IDI1: variants seen among roughly 807,000 people sequenced by gnomAD.
IDI1 encodes isopentenyl-diphosphate delta isomerase 1.
IDI1 carries 23 observed loss-of-function variants against 32.9 expected under a neutral mutation model. The observed-to-expected ratio is 0.70, with a 90% confidence interval of 0.50 to 0.99. The LOEUF is 0.99. Among genes scored for constraint, IDI1 ranks in the 50% least tolerant of loss-of-function variants. IDI1 has a pLI of 0.00. For missense variants in IDI1, 326 were observed against 351.9 expected (o/e 0.93, Z 0.59); for synonymous variants, 133 against 128.2 (o/e 1.04, Z -0.25).
chr10:1,043,247 T>C (rs1832670837), intron 3 of IDI1, 54 bp downstream of exon 3: 7 of 1,095,258 alleles, frequency 6.4e-6, no homozygotes, highest in Admixed American at 1.9e-5. Flanking sequence ...TTCAGAATGA[T>C]AAAAAGTCAA....
chr10:1,049,162 GCCCCAC>G, upstream of IDI1: 1 of 1,200,386 alleles, frequency 8.3e-7, no homozygotes, highest in South Asian at 1.7e-5. Context: ...GGGTCAACAC[GCCCCAC>G]CCCCAGTTCC....
chr10:1,041,315 C>T lies in IDI1; in HGVS notation c.727G>A (p.Ala243Thr). 4.3e-6 allele frequency: 7 copies of T among 1,613,668 alleles called. No individual in the cohort carries two copies. The highest frequency in any genetic ancestry group is 5.9e-6 in the Non-Finnish European group (7 of 1,179,700). Residue 243 changes from alanine (A) to threonine (T), a missense_variant, in exon 5 of 5, where the codon GCA becomes ACA. Transcript: ENST00000381344. ...GTTATCTTAATTTCACCACTGGCTG[C>T]TTTTTTCAGAAGTTCTTTTAGTTCT... is the stretch of plus-strand genomic sequence containing the variant. ...KEELKELLKK[A>T]ASGEIKITPW...
chr10:1,048,537 T>G (rs527938603), intron 1 of IDI1: 1 of 1,293,950 alleles, frequency 7.7e-7, no homozygotes, highest in African/African-American at 1.5e-5. Context: ...CTTAGTCTCC[T>G]GCGACTCGGT....
upstream of IDI1, among the ~76,000 whole-genome samples, chr10:1,050,851 G>A (rs1405297507): frequency 2.0e-5 from 3 of 152,240 alleles, no homozygotes; most frequent in Non-Finnish European, 4.4e-5. Context: ...AGTGCCCCTG[G>A]CTGGGAGTCT....
chr10:1,042,696 GC>G lies in IDI1; in HGVS notation c.472del (p.Ala158ProfsTer4). 1 of 1,613,946 alleles carries G rather than the reference GC, an allele frequency of 6.2e-7. No homozygotes were observed. The highest frequency in any genetic ancestry group is 8.5e-7 in the Non-Finnish European group (1 of 1,179,860). ...CTGTGCTGCTCGCCTCACTCCAAGGGCGTCACTTTCCTCAAGCTCGGCTGGA... is the reference window on the plus strand; with the variant it reads ...CTGTGCTGCTCGCCTCACTCCAAGGGGTCACTTTCCTCAAGCTCGGCTGGA... ...SNPAELEESD[A>X]LGVRRAAQRR... On this transcript the variant is annotated frameshift_variant, in exon 4 of 5. Transcript: ENST00000381344. LOFTEE classifies it high-confidence loss of function.
rs748042759 is a variant in IDI1 at position 1,044,019 on chromosome 10, A to G, written c.293T>C (p.Leu98Pro). 1.9e-6 allele frequency: 3 copies of G among 1,611,908 alleles called. No homozygotes were observed. Among genetic ancestry groups the G allele is most frequent in the Admixed American group, 3.3e-5 (2 of 59,822 alleles). Residue 98 changes from leucine to proline, a missense_variant, in exon 2 of 5, where the codon CTG (leucine) becomes CCG (proline). Around this residue, in one of 2 missense-constraint regions of IDI1, gnomAD observed 205 missense variants for 273.5 expected, o/e 0.75. Transcript: ENST00000381344. ...AGCACCTTTCTCAATGTTCTCGTTCAGGTGACAATTCTTCTTGGTCTCAGC... is the reference window on the plus strand; with the variant it reads ...AGCACCTTTCTCAATGTTCTCGTTCGGGTGACAATTCTTCTTGGTCTCAGC... ...IGAETKKNCH[L>P]NENIEKGLLH...
rs1308898300 is a variant in IDI1 at position 1,040,585 on chromosome 10, T to G, written c.*602A>C. ...ACTTATCAAAAGCAGTGGCTGACTG[T>G]AAGTATCAACATGTTTCCAGAATGA... On this transcript the variant is annotated 3_prime_UTR_variant, in exon 5 of 5. Coordinates refer to ENST00000381344, the MANE Select transcript of IDI1 (RefSeq NM_004508.4). 1 of 152,304 alleles carries G rather than the reference T, an allele frequency of 6.6e-6. No individual in the cohort carries two copies. The highest frequency in any genetic ancestry group is 2.4e-5 in the African/African-American group (1 of 41,440). 9.4% of individuals were successfully genotyped at this position (152,304 alleles called of 1,614,324 possible).
In IDI1 at chr10:1,048,846, G is replaced by C. The variant is rs568369613; in HGVS notation, c.140+18C>G. ...GCCCTGCCCCTGTCTCCCGAACTCC[G>C]CCGCCCGTCCACAGTACCTGATCAG... On this transcript the variant is annotated intron_variant, in intron 1 of 4. Transcript: ENST00000381344. The C allele has an allele frequency of 1.7e-5, 27 of 1,601,366 alleles. No homozygotes were observed. In the South Asian group the frequency reaches 2.9e-4, roughly 17 times the overall value.
chr10:1,045,866 G>GGTGTGTGTGTGTGT (rs10598743), intron 1 of IDI1, among the ~76,000 whole-genome samples: 9 of 150,956 alleles, frequency 6.0e-5, no homozygotes, highest in Non-Finnish European at 1.2e-4. Flanking sequence ...ATAGGGTCTG[G>GGTGTGTGTGTGTGT]GTGTGTGTGT....
chr10:1,041,811 T>TC (rs1175381448), intron 4 of IDI1, among the ~76,000 whole-genome samples: 3 of 120,582 alleles, frequency 2.5e-5, no homozygotes, highest in Non-Finnish European at 5.3e-5. Flanking sequence ...TTTTTCTTCT[T>TC]TTTTTTTTTT....
the IDI1 span, among the ~76,000 whole-genome samples, chr10:1,055,234 TTTAGAA>T: frequency 1.3e-5 from 2 of 152,234 alleles, no homozygotes; most frequent in African/African-American, 4.8e-5. Flanking sequence ...TAAAATTCAA[TTTAGAA>T]TAACTTTTAC....
chr10:1,042,394 T>C (rs1832628483), intron 4 of IDI1, among the ~76,000 whole-genome samples: 2 of 152,170 alleles, frequency 1.3e-5, no homozygotes, highest in African/African-American at 2.4e-5. Context: ...TATAGAAATA[T>C]TCAACCTTAT....
chr10:1,051,476 C>A (rs575600591), upstream of IDI1, among the ~76,000 whole-genome samples: 5 of 152,308 alleles, frequency 3.3e-5, no homozygotes, highest in African/African-American at 1.2e-4. Context: ...TCTGTCAGTT[C>A]TTTCCAGTAA....
intron 1 of IDI1, among the ~76,000 whole-genome samples, chr10:1,047,804 A>G (rs1046150123): frequency 6.6e-6 from 1 of 152,254 alleles, no homozygotes; most frequent in Admixed American, 6.5e-5. Flanking sequence ...AGTATCTAAA[A>G]CATGTAAATC....
At chr10:1,048,766 G>A (rs982792313) in intron 1 of IDI1, 98 bp downstream of exon 1, 28 of 1,516,884 alleles carry the variant, frequency 1.8e-5, no homozygotes, top group Middle Eastern at 2.3e-4. Flanking sequence ...GAGACCTCAC[G>A]GGTGGCTCAG....
At chr10:1,050,494 T>A (rs1564490200), upstream of IDI1, among the ~76,000 whole-genome samples, 1 of 152,020 alleles carries the variant, frequency 6.6e-6, no homozygotes, top group Non-Finnish European at 1.5e-5. Context: ...AAAAAAAAAA[T>A]CACTAAGCTT....
chr10:1,056,252 G>C, the IDI1 span, among the ~76,000 whole-genome samples: 8 of 152,234 alleles, frequency 5.3e-5, no homozygotes, highest in Non-Finnish European at 8.8e-5. Flanking sequence ...TTTACGTAAA[G>C]ACCATCATGC....
At chr10:1,043,111 T>C (rs897273140) in intron 3 of IDI1, among the ~76,000 whole-genome samples, 190 bp downstream of exon 3, 10 of 152,226 alleles carry the variant, frequency 6.6e-5, no homozygotes, top group Non-Finnish European at 1.0e-4. Flanking sequence ...TATTGCCCAA[T>C]TGCTTACTAG....
upstream of IDI1, among the ~76,000 whole-genome samples, chr10:1,049,946 CCTAG>C (rs1479968256): frequency 2.0e-5 from 3 of 152,190 alleles, no homozygotes; most frequent in Non-Finnish European, 2.9e-5. Context: ...AGCCACCGCG[CCTAG>C]CCCTCTAAAC....
Sources: gnomAD v4.1 joint callset for allele counts (sites outside exome capture counted in the v4.1 genomes callset) on GRCh38, gnomAD v4.1.1 for gene constraint, gnomAD v4.1.1 regional missense constraint, MANE v1.5 for transcripts, NCBI Gene and HGNC (gene_info 2026-07-23, HGNC 2026-07-21) for gene names.